Variants in SHLD1 observed in about 807,000 individuals in gnomAD.
SHLD1 encodes the protein RINN1-REV7-interacting novel NHEJ regulator 3.
In SHLD1, 3 loss-of-function variants were observed where a neutral mutation model predicts 5.5. The ratio of observed to expected loss-of-function variants is 0.54; its 90% CI spans 0.25 to 1.40. The LOEUF is 1.40. SHLD1 is among the 40% of genes most tolerant of loss of function. SHLD1 has a pLI of 0.15. For synonymous variants in SHLD1, 92 were observed against 94.3 expected (o/e 0.98, Z 0.14); for missense variants, 210 against 244.4 (o/e 0.86, Z 0.94).
chr20:5,792,511 C>T (rs2087154936), intron 2 of SHLD1, among the ~76,000 whole-genome samples: 1 of 151,966 alleles, frequency 6.6e-6, no homozygotes, highest in Non-Finnish European at 1.5e-5. Flanking sequence ...CCTCTGCTTC[C>T]TGGGTTCAAG....
intron 2 of SHLD1, among the ~76,000 whole-genome samples, chr20:5,819,737 G>T (rs1193449281): frequency 6.6e-6 from 1 of 152,186 alleles, no homozygotes; most frequent in Non-Finnish European, 1.5e-5. Context: ...CAGGAGGATG[G>T]CTTGAGCCCA....
intron 2 of SHLD1, among the ~76,000 whole-genome samples, chr20:5,794,355 C>T (rs1311420466): frequency 1.3e-5 from 2 of 152,086 alleles, no homozygotes; most frequent in Non-Finnish European, 2.9e-5. Flanking sequence ...GGATTCACTT[C>T]TTTCTTGAGT....
At chr20:5,750,508 T>TGGGGGG (rs1600076697) in intron 1 of SHLD1, 29 bp downstream of exon 1, 8 of 23,270 alleles carry the variant, frequency 3.4e-4, no homozygotes, top group South Asian at 3.3e-3. Flanking sequence ...GGGGGGGGGT[T>TGGGGGG]GGAGTGGTGG....
chr20:5,795,601 CA>C (rs56723415), intron 2 of SHLD1, among the ~76,000 whole-genome samples: 4,672 of 67,058 alleles, frequency 0.07, 226 homozygotes, highest in African/African-American at 0.26. Flanking sequence ...TCTGGTCTCG[CA>C]AAAAAAAAAA....
In SHLD1 at chr20:5,751,958, T is replaced by C. The variant is rs376950950; in HGVS notation, c.-5+1479T>C. On this transcript the variant is annotated intron_variant, in intron 1 of 2. Transcript: ENST00000303142. Reference sequence around the variant, plus strand: ...AGGGATTCTTTAGCTGACAGTTGCTTGAGAGAGTTAAGCTTTGTCTAAAGA... The same window carrying C: ...AGGGATTCTTTAGCTGACAGTTGCTCGAGAGAGTTAAGCTTTGTCTAAAGA... 4.6e-5 allele frequency among the ~76,000 whole-genome samples: 7 copies of C among 152,288 alleles called. No homozygotes were observed. In the East Asian group the frequency reaches 1.2e-3, roughly 25 times the overall value.
At chr20:5,819,470 G>C (rs1225717622) in intron 2 of SHLD1, among the ~76,000 whole-genome samples, 1 of 152,178 alleles carries the variant, frequency 6.6e-6, no homozygotes, top group African/African-American at 2.4e-5. Flanking sequence ...AATGCTTACT[G>C]ATTTCATGCA....
intron 2 of SHLD1, among the ~76,000 whole-genome samples, chr20:5,802,237 T>G (rs1167579781): frequency 1.4e-5 from 2 of 138,896 alleles, no homozygotes; most frequent in Non-Finnish European, 3.2e-5. Context: ...CCAGCCACCA[T>G]GCTTGCTCTT....
chr20:5,825,761 G>T (rs539678689), intron 2 of SHLD1, among the ~76,000 whole-genome samples: 1 of 152,174 alleles, frequency 6.6e-6, no homozygotes, highest in African/African-American at 2.4e-5. Context: ...AAGTAATAGG[G>T]TGTGCTGTGC....
intron 2 of SHLD1, among the ~76,000 whole-genome samples, chr20:5,843,917 C>T (rs1327755344): frequency 6.6e-6 from 1 of 152,182 alleles, no homozygotes; most frequent in Admixed American, 6.5e-5. Flanking sequence ...CAAATGCATC[C>T]CAAACCCATC....
intron 2 of SHLD1, among the ~76,000 whole-genome samples, chr20:5,783,522 C>G (rs1568500535): frequency 6.6e-6 from 1 of 152,180 alleles, no homozygotes; most frequent in African/African-American, 2.4e-5. Context: ...CCATGCCCAG[C>G]CTCCTAGATT....
chr20:5,768,244 GATTACAGC>G (rs1488583400), intron 1 of SHLD1, among the ~76,000 whole-genome samples: 1 of 152,184 alleles, frequency 6.6e-6, no homozygotes, highest in Non-Finnish European at 1.5e-5. Flanking sequence ...AAAGTGCTGG[GATTACAGC>G]ACTTGAGCCA....
At chr20:5,779,709 A>G (rs114760448) in intron 2 of SHLD1, among the ~76,000 whole-genome samples, 1 of 152,178 alleles carries the variant, frequency 6.6e-6, no homozygotes, top group Non-Finnish European at 1.5e-5. Context: ...TTGGAGGGTC[A>G]TTCAGGGTGA....
chr20:5,817,705 C>G (rs1157252803), intron 2 of SHLD1, among the ~76,000 whole-genome samples: 1 of 83,594 alleles, frequency 1.2e-5, no homozygotes, highest in Non-Finnish European at 3.6e-5. Context: ...CCTGGCTGTG[C>G]CTGGCATTAT....
At chr20:5,817,950 G>A (rs1390069613) in intron 2 of SHLD1, among the ~76,000 whole-genome samples, 2 of 152,158 alleles carry the variant, frequency 1.3e-5, no homozygotes, top group Non-Finnish European at 2.9e-5. Flanking sequence ...AACACTGGGG[G>A]CAATTGTAGG....
intron 2 of SHLD1, among the ~76,000 whole-genome samples, chr20:5,843,030 C>G (rs1419563906): frequency 6.6e-6 from 1 of 152,174 alleles, no homozygotes; most frequent in Non-Finnish European, 1.5e-5. Context: ...TTTGCTTACT[C>G]CCACTCGGTA....
At chr20:5,755,261 A>C (rs1300895888) in intron 1 of SHLD1, among the ~76,000 whole-genome samples, 1 of 152,142 alleles carries the variant, frequency 6.6e-6, no homozygotes, top group African/African-American at 2.4e-5. Context: ...GACCAGCACC[A>C]GTCTGGAGGT....
chr20:5,775,442 G>A (rs1317441029), intron 2 of SHLD1, among the ~76,000 whole-genome samples: 2 of 152,108 alleles, frequency 1.3e-5, no homozygotes, highest in African/African-American at 4.8e-5. Context: ...ACTTTTTATT[G>A]CCTGTTAGTT....
chr20:5,757,071 CTTTTTTTT>C (rs753877287), intron 1 of SHLD1, among the ~76,000 whole-genome samples: 9 of 123,226 alleles, frequency 7.3e-5, no homozygotes, highest in African/African-American at 2.8e-4. Flanking sequence ...TTCTTTCTTT[CTTTTTTTT>C]TTTTTTTTTT....
chr20:5,784,951 C>T (rs1235832090), intron 2 of SHLD1, among the ~76,000 whole-genome samples: 3 of 152,158 alleles, frequency 2.0e-5, no homozygotes, highest in Non-Finnish European at 2.9e-5. Flanking sequence ...GCCACACCTC[C>T]GGGGCACTTA....
Sources: gnomAD v4.1 joint callset for allele counts (sites outside exome capture counted in the v4.1 genomes callset) on GRCh38, gnomAD v4.1.1 for gene constraint, MANE v1.5 for transcripts, NCBI Gene and HGNC (gene_info 2026-07-23, HGNC 2026-07-21) for gene names.